The following PIK3R4 variants were observed in gnomAD, a reference collection of about 807,000 sequenced individuals.
PIK3R4 encodes the protein phosphoinositide 3-kinase regulatory subunit 4.
In PIK3R4, 46 loss-of-function variants were observed where a neutral mutation model predicts 136.5. The observed-to-expected ratio is 0.34, with a 90% CI of 0.27 to 0.43. The LOEUF is 0.43. Among genes scored for constraint, PIK3R4 ranks in the 20% least tolerant of loss-of-function variants. The pLI is 1.00. For missense variants in PIK3R4, 1,331 were observed against 1,649.5 expected (o/e 0.81, Z 3.35); for synonymous variants, 557 against 566.7 (o/e 0.98, Z 0.24).
At chr3:130,709,986 G>C (rs895394041) in intron 9 of PIK3R4, among the ~76,000 whole-genome samples, 1 of 152,100 alleles carries the variant, frequency 6.6e-6, no homozygotes, top group Non-Finnish European at 1.5e-5. Flanking sequence ...AAACCAGCAA[G>C]TTGTACACTT....
intron 9 of PIK3R4, 29 bp from the exon 10 acceptor site, chr3:130,708,521 G>C: frequency 6.4e-7 from 1 of 1,562,666 alleles, no homozygotes; most frequent in Non-Finnish European, 8.8e-7. Context: ...ATATGTTCTA[G>C]TTTATTTTCA....
At chr3:130,731,858 G>A (rs571818147) in intron 4 of PIK3R4, among the ~76,000 whole-genome samples, 3 of 152,310 alleles carry the variant, frequency 2.0e-5, no homozygotes, top group Non-Finnish European at 2.9e-5. Context: ...TTAGCCAGGC[G>A]TGGTGGCACA....
In PIK3R4 at chr3:130,681,025, G is replaced by T; in HGVS notation, c.3749C>A (p.Ala1250Glu). The change falls in exon 18 of 20, where the codon GCA (alanine) becomes GAA (glutamate). Residue 1250 changes from alanine (A) to glutamate (E), a missense_variant. Around this residue, in one of 2 missense-constraint regions of PIK3R4, gnomAD observed 1,180 missense variants for 1,407.0 expected, o/e 0.84. Coordinates refer to ENST00000356763, the MANE Select transcript of PIK3R4 (RefSeq NM_014602.3). ...TGTTAGTAGGATAGGATTTCCATCT[G>T]CAGGACTACAGTAGATACCATGGAC... ...HSVHGIYCSPADGNPILLTAG... is the reference protein window; with the variant it reads ...HSVHGIYCSPEDGNPILLTAG... 2.5e-6 allele frequency: 4 copies of T among 1,597,178 alleles called. No individual in the cohort carries two copies. Among genetic ancestry groups the T allele is most frequent in the Non-Finnish European group, 3.4e-6 (4 of 1,166,382 alleles).
chr3:130,690,593 A>AGCCTTGGCAGAATGTGAGC lies in PIK3R4; in HGVS notation c.3141_3159dup (p.Ser1054AlafsTer15). Reference sequence around the variant, plus strand: ...TCAGATGCTATGGCTAAATAGTGGGAGCCTTGGCAGAATGTGAGCGTCTTG... The same window carrying AGCCTTGGCAGAATGTGAGC: ...TCAGATGCTATGGCTAAATAGTGGGAGCCTTGGCAGAATGTGAGCGCCTTGGCAGAATGTGAGCGTCTTG... On this transcript the variant is annotated frameshift_variant, in exon 14 of 20. Coordinates refer to ENST00000356763, the MANE Select transcript of PIK3R4 (RefSeq NM_014602.3). LOFTEE classifies it high-confidence loss of function. 1 of 1,611,936 alleles carries AGCCTTGGCAGAATGTGAGC rather than the reference A, an allele frequency of 6.2e-7. No homozygotes were observed. The highest frequency in any genetic ancestry group is 1.7e-4 in the Middle Eastern group (1 of 6,054).
At position 130,686,063 on chromosome 3, in the gene PIK3R4, T is replaced by C. The variant is rs1304559095; in HGVS notation, c.3475+148A>G. On this transcript the variant is annotated intron_variant, in intron 15 of 19. Coordinates refer to ENST00000356763, the MANE Select transcript of PIK3R4 (RefSeq NM_014602.3). ...GTTTTTTAATGAAAAAAAAATAAAA[T>C]TGCAAGTTATTTTAACATGACTATG... 2.8e-5 allele frequency: 17 copies of C among 603,396 alleles called. No homozygotes were observed. In the South Asian group the frequency reaches 3.5e-4, roughly 12 times the overall value. The allele number at this position is 603,396 out of a possible 1,614,324, so 37.4% of individuals were successfully genotyped here. A position where few individuals can be genotyped will look rare whatever the true frequency, so the allele number is the denominator to read the frequency against.
chr3:130,716,348 T>G (rs1425823761), intron 9 of PIK3R4, 48 bp downstream of exon 9: 1 of 1,453,884 alleles, frequency 6.9e-7, no homozygotes, highest in South Asian at 1.2e-5. Flanking sequence ...CTTCAATATT[T>G]TTATGAAATT....
At chr3:130,708,515 G>A (rs2066617842) in intron 9 of PIK3R4, 23 bp from the exon 10 acceptor site, 18 of 1,574,712 alleles carry the variant, frequency 1.1e-5, no homozygotes, top group Non-Finnish European at 1.6e-5. Flanking sequence ...AAAACCATAT[G>A]TTCTAGTTTA....
chr3:130,729,477 T>A (rs1440551776), intron 5 of PIK3R4, among the ~76,000 whole-genome samples: 1 of 152,156 alleles, frequency 6.6e-6, no homozygotes, highest in Non-Finnish European at 1.5e-5. Flanking sequence ...AAACTTTAGA[T>A]TCCCTCCCCA....
At chr3:130,685,179 G>A (rs532873577) in intron 15 of PIK3R4, among the ~76,000 whole-genome samples, 29 of 152,282 alleles carry the variant, frequency 1.9e-4, no homozygotes, top group African/African-American at 6.5e-4. Context: ...AGAGTACAAA[G>A]TTTCAGTTAG....
intron 5 of PIK3R4, among the ~76,000 whole-genome samples, chr3:130,729,938 A>G (rs944095674): frequency 5.9e-5 from 9 of 152,172 alleles, no homozygotes; most frequent in Non-Finnish European, 1.2e-4. Context: ...TGAAATAAAA[A>G]CAATTTATGA....
intron 6 of PIK3R4, among the ~76,000 whole-genome samples, chr3:130,725,716 C>T (rs1308995955): frequency 6.6e-6 from 1 of 151,744 alleles, no homozygotes; most frequent in Non-Finnish European, 1.5e-5. Context: ...AATTAATGTT[C>T]TTAATATGTA....
In PIK3R4 at chr3:130,732,822, A is replaced by G. The variant is rs529608303; in HGVS notation, c.1450+726T>C. Among the ~76,000 whole-genome samples, 4 of 151,820 alleles carry G rather than the reference A, an allele frequency of 2.6e-5. No individual in the cohort carries two copies. In the East Asian group the frequency reaches 5.8e-4, roughly 22 times the overall value. On this transcript the variant is annotated intron_variant, in intron 4 of 19. Coordinates refer to ENST00000356763, the MANE Select transcript of PIK3R4 (RefSeq NM_014602.3). ...AAAAAAAAAAGACAATATCATTACC[A>G]CACACGTACTATTTACAAAGACTTC... is the stretch of plus-strand genomic sequence containing the variant.
Position 130,708,430 on chromosome 3 carries a change from A to G in PIK3R4, c.2394T>C (p.Asn798=). The change falls in exon 10 of 20, where the codon AAT becomes AAC. Residue 798 remains asparagine, a synonymous_variant. Coordinates refer to ENST00000356763, the MANE Select transcript of PIK3R4 (RefSeq NM_014602.3). ...LALKDFMMKS[N]KAKANIVDQS... is the part of the protein sequence containing the mutation. Reference sequence around the variant, plus strand: ...GGTCCACTATATTGGCCTTTGCTTTATTAGATTTCATCATGAAGTCTTTCA... The same window carrying G: ...GGTCCACTATATTGGCCTTTGCTTTGTTAGATTTCATCATGAAGTCTTTCA... 6.2e-7 allele frequency: 1 copy of G among 1,613,738 alleles called. No individual in the cohort carries two copies. Among genetic ancestry groups the G allele is most frequent in the Non-Finnish European group, 8.5e-7 (1 of 1,179,700 alleles).
At chr3:130,722,243 C>T (rs548410921) in intron 7 of PIK3R4, among the ~76,000 whole-genome samples, 4 of 152,088 alleles carry the variant, frequency 2.6e-5, no homozygotes, top group Admixed American at 6.5e-5. Flanking sequence ...CCATAGTTTT[C>T]ATATCAAATT....
chr3:130,693,755 G>A (rs974535641), intron 13 of PIK3R4, among the ~76,000 whole-genome samples: 49 of 151,926 alleles, frequency 3.2e-4, no homozygotes, highest in African/African-American at 1.1e-3. Context: ...AGAGTCCTTC[G>A]AAGCACAAAG....
chr3:130,705,482 T>TA lies in PIK3R4; in HGVS notation c.2932+78dup. 5.6e-6 allele frequency: 5 copies of TA among 889,554 alleles called. No individual in the cohort carries two copies. The South Asian group carries it at 7.8e-5, about 14-fold the overall frequency. 55.1% of individuals were successfully genotyped at this position (889,554 alleles called of 1,614,324 possible). ...GTTCTTACCTCTTTTGTCTGGTAGTTAAGTATTCATTTCCTCTATTAGATT... is the reference window on the plus strand; with the variant it reads ...GTTCTTACCTCTTTTGTCTGGTAGTTAAAGTATTCATTTCCTCTATTAGATT... On this transcript the variant is annotated intron_variant, in intron 12 of 19. Transcript: ENST00000356763.
At chr3:130,714,133 G>A (rs1576457766) in intron 9 of PIK3R4, among the ~76,000 whole-genome samples, 1 of 152,146 alleles carries the variant, frequency 6.6e-6, no homozygotes, top group East Asian at 1.9e-4. Context: ...AGAAAAATGT[G>A]ATTCAGAATC....
chr3:130,716,822 T>C (rs964192037), intron 8 of PIK3R4, among the ~76,000 whole-genome samples: 1 of 152,206 alleles, frequency 6.6e-6, no homozygotes, highest in Admixed American at 6.5e-5. Context: ...GTGTCTGTCA[T>C]TGGAAGACTA....
chr3:130,739,672 T>C (rs1020954116), intron 2 of PIK3R4, among the ~76,000 whole-genome samples: 1 of 152,104 alleles, frequency 6.6e-6, no homozygotes, highest in African/African-American at 2.4e-5. Context: ...ACACCAAGCA[T>C]ATTTGCACAT....
Sources: allele counts gnomAD v4.1 joint callset (sites outside exome capture counted in the v4.1 genomes callset), GRCh38; gene constraint gnomAD v4.1.1; regional missense constraint gnomAD v4.1.1; transcripts MANE v1.5; gene names NCBI Gene and HGNC (gene_info 2026-07-23, HGNC 2026-07-21).